The following FGFR2 variants were observed in gnomAD, a reference collection of about 807,000 sequenced individuals.
FGFR2 encodes the protein fibroblast growth factor receptor 2.
A neutral mutation model predicts 95.9 loss-of-function variants in FGFR2; 19 were observed. The ratio of observed to expected loss-of-function variants is 0.20; its 90% CI spans 0.14 to 0.29. FGFR2 has a LOEUF of 0.29. FGFR2 is among the 10% of genes least tolerant of loss of function. The pLI is 1.00. For missense variants in FGFR2, 707 were observed against 1,056.9 expected, an observed-to-expected ratio of 0.67 and a Z score of 4.59; for synonymous variants, 392 against 393.3, an observed-to-expected ratio of 1.00 and a Z score of 0.04.
chr10:121,482,508 G>A (rs1280335756), intron 17 of FGFR2, among the ~76,000 whole-genome samples: 2 of 152,058 alleles, frequency 1.3e-5, no homozygotes, highest in African/African-American at 4.8e-5. Flanking sequence ...AATACTTGGG[G>A]GACTTTAACT....
intron 16 of FGFR2, among the ~76,000 whole-genome samples, chr10:121,484,937 C>T (rs553168104): frequency 3.3e-5 from 5 of 152,298 alleles, no homozygotes; most frequent in South Asian, 2.1e-4. Flanking sequence ...CTACTGGCCA[C>T]GATGGGGCCA....
At chr10:121,554,662 C>T (rs774823433) in intron 4 of FGFR2, among the ~76,000 whole-genome samples, 10 of 152,132 alleles carry the variant, frequency 6.6e-5, no homozygotes, top group South Asian at 4.2e-4. Context: ...TGAGCTACCG[C>T]GCCCGGCTGG....
Position 121,500,905 on chromosome 10 carries a change from T to C in FGFR2, c.1482A>G (p.Gln494=). 1.2e-6 allele frequency: 2 copies of C among 1,614,216 alleles called. No individual in the cohort carries two copies. The highest frequency in any genetic ancestry group is 1.7e-5 in the Admixed American group (1 of 60,022). ...TTCCCACTGCTTCCGCCATGACCAC[T>C]TGCCCAAAGCAACCTTCTCCCAGGG... ...GKPLGEGCFG[Q]VVMAEAVGID... The change falls in exon 11 of 18, where the codon CAA becomes CAG. Residue 494 remains glutamine (Q), a synonymous_variant. Transcript: ENST00000358487.
intron 2 of FGFR2, among the ~76,000 whole-genome samples, chr10:121,581,625 G>A (rs570025731): frequency 4.0e-5 from 6 of 151,054 alleles, no homozygotes; most frequent in African/African-American, 4.9e-5. Context: ...ATCAGCCTGC[G>A]CCTATAGTCG....
chr10:121,581,953 GAC>G (rs1469446642), intron 2 of FGFR2, among the ~76,000 whole-genome samples: 1 of 125,824 alleles, frequency 7.9e-6, no homozygotes, highest in African/African-American at 3.0e-5. Context: ...TTATTTTTGA[GAC>G]AGAGTCTCAC....
At chr10:121,554,763 T>C (rs190269217) in intron 4 of FGFR2, among the ~76,000 whole-genome samples, 17 of 152,256 alleles carry the variant, frequency 1.1e-4, no homozygotes, top group African/African-American at 4.1e-4. Context: ...ATAATAATAC[T>C]ATAAGATAGC....
chr10:121,581,701 G>A (rs1317483173), intron 2 of FGFR2, among the ~76,000 whole-genome samples: 5 of 148,754 alleles, frequency 3.4e-5, no homozygotes, highest in African/African-American at 1.2e-4. Flanking sequence ...GCAATGAGCT[G>A]TGATTGCACC....
rs2134279555 is a variant in FGFR2, at chr10:121,518,659, G to C, written c.940-1196C>G. ...ATATCCAGCTTTCTTTTTAAAAAAA[G>C]ACAAAAATGAAAGCATTGTTACCTT... On this transcript the variant is annotated intron_variant, in intron 7 of 17. Transcript: ENST00000358487. This position sits in a 1 kb window ranked among gnomAD's most constrained non-coding sequence, Gnocchi z 4.0. 1 of 1,614,008 alleles carries C rather than the reference G, an allele frequency of 6.2e-7. No homozygotes were observed. Among genetic ancestry groups the C allele is most frequent in the Non-Finnish European group, 8.5e-7 (1 of 1,179,994 alleles).
chr10:121,507,146 T>C (rs923228828), intron 9 of FGFR2, among the ~76,000 whole-genome samples: 1 of 152,198 alleles, frequency 6.6e-6, no homozygotes, highest in Non-Finnish European at 1.5e-5. Flanking sequence ...GGCCCCGCAT[T>C]AGGCAGGCTG....
intron 5 of FGFR2, among the ~76,000 whole-genome samples, chr10:121,542,907 A>G (rs143616088): frequency 6.6e-6 from 1 of 152,336 alleles, no homozygotes; most frequent in African/African-American, 2.4e-5. Flanking sequence ...TGAAGGGTGA[A>G]AGGTTAAAGA....
At chr10:121,597,330 T>A (rs940020053) in intron 1 of FGFR2, among the ~76,000 whole-genome samples, 4 of 152,060 alleles carry the variant, frequency 2.6e-5, no homozygotes, top group Admixed American at 2.0e-4. Flanking sequence ...GCAGGCGAAC[T>A]AGAAAAAGTC....
chr10:121,591,225 A>G (rs1274144781), intron 2 of FGFR2, among the ~76,000 whole-genome samples: 1 of 152,188 alleles, frequency 6.6e-6, no homozygotes, highest in Non-Finnish European at 1.5e-5. Context: ...TGGGGACCCT[A>G]CAGAAAGCAA....
In FGFR2 at chr10:121,500,972, C is replaced by T. The variant is rs758220566; in HGVS notation, c.1440-25G>A. On this transcript the variant is annotated intron_variant, in intron 10 of 17. Coordinates refer to ENST00000358487, the MANE Select transcript of FGFR2 (RefSeq NM_000141.5). ...CCTAAATGTGTAAATAGGGGATTAG[C>T]ACATAGCATCTGGTGATGGGGTGTA... The T allele has an allele frequency of 3.1e-6, 5 of 1,612,898 alleles. No individual in the cohort carries two copies. The South Asian group carries it at 4.4e-5, about 14-fold the overall frequency.
At position 121,551,912 on chromosome 10, in the gene FGFR2, T is replaced by C. The variant is rs574274223; in HGVS notation, c.455-453A>G. Among the ~76,000 whole-genome samples the C allele has an allele frequency of 3.3e-4, 51 of 152,280 alleles. 2 individuals are homozygous for C. In the South Asian group the frequency reaches 8.1e-3, roughly 24 times the overall value. ...CTCAAAAGCCCTATCAACTTATCCA[T>C]TGGAGCCTTACTTTAAGGGCAATCA... On this transcript the variant is annotated intron_variant, in intron 4 of 17. Transcript: ENST00000358487.
intron 4 of FGFR2, among the ~76,000 whole-genome samples, chr10:121,562,081 G>A (rs571836200): frequency 6.6e-6 from 1 of 152,254 alleles, no homozygotes; most frequent in South Asian, 2.1e-4. Context: ...ATTGCTGGTG[G>A]GAATACAAAA....
At chr10:121,488,938 C>T (rs1845775607) in intron 13 of FGFR2, among the ~76,000 whole-genome samples, 1 of 152,232 alleles carries the variant, frequency 6.6e-6, no homozygotes, top group African/African-American at 2.4e-5. Flanking sequence ...TCTCCTGAAG[C>T]TTATGAAGAA....
At chr10:121,521,090 T>C (rs192654270) in intron 6 of FGFR2, among the ~76,000 whole-genome samples, 1 of 152,378 alleles carries the variant, frequency 6.6e-6, no homozygotes, top group East Asian at 1.9e-4. Context: ...ATTCATTCTT[T>C]ATTCACCCAT....
intron 9 of FGFR2, among the ~76,000 whole-genome samples, chr10:121,509,511 GT>G (rs1431586903): frequency 3.5e-5 from 1 of 28,944 alleles, no homozygotes; most frequent in Non-Finnish European, 6.9e-5. Context: ...TTTTTTTTTG[GT>G]TTGAGACAGA....
intron 2 of FGFR2, among the ~76,000 whole-genome samples, chr10:121,569,201 T>C (rs1858179235): frequency 2.5e-5 from 1 of 40,672 alleles, no homozygotes; most frequent in Admixed American, 3.1e-4. Context: ...TGGGTTTCTT[T>C]TTCTTTTCTT....
Sources: gnomAD v4.1 joint callset for allele counts (sites outside exome capture counted in the v4.1 genomes callset) on GRCh38, gnomAD v4.1.1 for gene constraint, Gnocchi (gnomAD v3.1) non-coding constraint, MANE v1.5 for transcripts, NCBI Gene and HGNC (gene_info 2026-07-23, HGNC 2026-07-21) for gene names.